The following WLS variants were observed in gnomAD, a reference collection of about 807,000 sequenced individuals.
WLS encodes the protein Wnt ligand secretion mediator.
Under a neutral mutation model 62.8 loss-of-function variants are expected in WLS, and 23 were observed. The ratio of observed to expected loss-of-function variants is 0.37; its 90% CI spans 0.26 to 0.52. The LOEUF is 0.52. Among genes scored for constraint, WLS ranks in the 20% least tolerant of loss-of-function variants. WLS has a pLI of 0.92. For synonymous variants in WLS, 246 were observed against 244.1 expected, an observed-to-expected ratio of 1.01 and a Z score of -0.07; for missense variants, 615 against 697.3, an observed-to-expected ratio of 0.88 and a Z score of 1.33.
At chr1:68,191,620 G>A (rs1036977436) in intron 2 of WLS, among the ~76,000 whole-genome samples, 1 of 152,140 alleles carries the variant, frequency 6.6e-6, no homozygotes, top group Admixed American at 6.5e-5. Context: ...AGTACTGAGT[G>A]TTCGTATGGC....
intron 6 of WLS, among the ~76,000 whole-genome samples, 179 bp from the exon 7 acceptor site, chr1:68,148,839 G>T (rs1336832381): frequency 6.6e-6 from 1 of 152,140 alleles, no homozygotes; most frequent in African/African-American, 2.4e-5. Context: ...TCATCTCTGT[G>T]GGGGAGTCTG....
At position 68,125,408 on chromosome 1, in the gene WLS, C is replaced by G; in HGVS notation, c.*818G>C. 1 of 962,496 alleles carries G rather than the reference C, an allele frequency of 1.0e-6. No individual in the cohort carries two copies. Among genetic ancestry groups the G allele is most frequent in the Non-Finnish European group, 1.2e-6 (1 of 819,946 alleles). The allele number at this position is 962,496 out of a possible 1,614,324, so 59.6% of individuals were successfully genotyped here. A position where few individuals can be genotyped will look rare whatever the true frequency, so the allele number is the denominator to read the frequency against. ...GCATGTACACATATGCATATACATA[C>G]AGGTTTATTTAAATGATTGGATCTA... On this transcript the variant is annotated 3_prime_UTR_variant, in exon 12 of 12. Transcript: ENST00000262348.
intron 11 of WLS, among the ~76,000 whole-genome samples, chr1:68,128,861 G>A (rs1646474775): frequency 6.7e-6 from 1 of 150,258 alleles, no homozygotes; most frequent in African/African-American, 2.4e-5. Flanking sequence ...TAAGTAACTT[G>A]CCCAAGGCCC....
intron 1 of WLS, among the ~76,000 whole-genome samples, chr1:68,206,292 G>C (rs920686355): frequency 6.6e-6 from 1 of 152,210 alleles, no homozygotes; most frequent in East Asian, 1.9e-4. Flanking sequence ...TCAAATATGT[G>C]AATGACTAAA....
intron 1 of WLS, among the ~76,000 whole-genome samples, chr1:68,222,094 G>A (rs1439254258): frequency 6.6e-6 from 1 of 152,166 alleles, no homozygotes; most frequent in African/African-American, 2.4e-5. Context: ...AACATCCTCC[G>A]AAAGCACAAG....
intron 2 of WLS, among the ~76,000 whole-genome samples, chr1:68,179,580 C>CA (rs888850354): frequency 3.5e-4 from 54 of 152,240 alleles, no homozygotes; most frequent in Non-Finnish European, 5.9e-4. Flanking sequence ...ACTTCACCCC[C>CA]ACTAACTTAA....
intron 4 of WLS, among the ~76,000 whole-genome samples, chr1:68,154,019 A>C (rs1646862681): frequency 6.6e-6 from 1 of 152,118 alleles, no homozygotes; most frequent in South Asian, 2.1e-4. Flanking sequence ...ACTGATATTA[A>C]AATGCTAATA....
intron 11 of WLS, among the ~76,000 whole-genome samples, chr1:68,104,598 C>T (rs975027280): frequency 2.0e-5 from 3 of 152,152 alleles, no homozygotes; most frequent in Admixed American, 2.0e-4. Context: ...TTTGTGAGTT[C>T]ACCTTCTGTA....
intron 1 of WLS, among the ~76,000 whole-genome samples, chr1:68,226,888 TA>T (rs2100670736): frequency 6.6e-6 from 1 of 152,334 alleles, no homozygotes; most frequent in South Asian, 2.1e-4. Context: ...TTCTGCAGTT[TA>T]TATGGATTTA....
chr1:68,158,442 C>G (rs1002669705), intron 3 of WLS, among the ~76,000 whole-genome samples: 3 of 152,124 alleles, frequency 2.0e-5, no homozygotes, highest in Admixed American at 1.3e-4. Context: ...ATGTCCCAGA[C>G]AAGATGTTAA....
chr1:68,232,363 C>A lies in WLS; in HGVS notation c.-64G>T. ...TGTTTTAGGGTGAGCTTTTTGCTCC[C>A]TCCTCTCACACACTCCCTCCTTCCT... On this transcript the variant is annotated 5_prime_UTR_variant, in exon 1 of 12. It adds an upstream start codon to the 5' untranslated region. Coordinates refer to ENST00000262348, the MANE Select transcript of WLS (RefSeq NM_024911.7). 1 of 1,569,756 alleles carries A rather than the reference C, an allele frequency of 6.4e-7. No homozygotes were observed. The highest frequency in any genetic ancestry group is 1.2e-5 in the South Asian group (1 of 84,450).
chr1:68,120,846 C>A (rs1035047747), downstream of WLS, among the ~76,000 whole-genome samples: 2 of 152,198 alleles, frequency 1.3e-5, no homozygotes, highest in African/African-American at 4.8e-5. Flanking sequence ...GGAACCAATT[C>A]ACTTTGTACT....
intron 6 of WLS, 75 bp from the exon 7 acceptor site, chr1:68,148,735 C>T (rs1646786270): frequency 4.3e-6 from 6 of 1,379,314 alleles, no homozygotes; most frequent in Admixed American, 1.9e-5. Context: ...AGTCAGCATT[C>T]GAAGGACACT....
At chr1:68,122,328 T>G (rs959693921), downstream of WLS, among the ~76,000 whole-genome samples, 1 of 152,186 alleles carries the variant, frequency 6.6e-6, no homozygotes, top group Non-Finnish European at 1.5e-5. Context: ...TATGAGATTA[T>G]AGGCTGAACT....
chr1:68,162,173 G>A, intron 2 of WLS: 1 of 1,446,644 alleles, frequency 6.9e-7, no homozygotes, highest in African/African-American at 1.4e-5. Flanking sequence ...AACGGACCCT[G>A]AGCAAAGCTA....
chr1:68,102,117 C>G (rs1036247656), intron 11 of WLS, among the ~76,000 whole-genome samples: 10 of 152,280 alleles, frequency 6.6e-5, no homozygotes, highest in African/African-American at 1.7e-4. Context: ...CATGGGCCAG[C>G]TATATGCCTT....
intron 11 of WLS, among the ~76,000 whole-genome samples, chr1:68,114,284 T>C (rs1006282470): frequency 6.6e-6 from 1 of 152,180 alleles, no homozygotes; most frequent in African/African-American, 2.4e-5. Flanking sequence ...GGTTAACTTG[T>C]GGCATAAGGA....
chr1:68,219,590 C>A (rs1407683548), intron 1 of WLS, among the ~76,000 whole-genome samples: 1 of 152,080 alleles, frequency 6.6e-6, no homozygotes, highest in African/African-American at 2.4e-5. Flanking sequence ...ACAATAGGTC[C>A]AAAATGCAAG....
At chr1:68,220,298 A>C in intron 1 of WLS, among the ~76,000 whole-genome samples, 1 of 152,366 alleles carries the variant, frequency 6.6e-6, no homozygotes, top group Non-Finnish European at 1.5e-5. Context: ...ACGAGACACA[A>C]GTTGACTCCA....
Sources: allele counts gnomAD v4.1 joint callset (sites outside exome capture counted in the v4.1 genomes callset), GRCh38; gene constraint gnomAD v4.1.1; transcripts MANE v1.5; gene names NCBI Gene and HGNC (gene_info 2026-07-23, HGNC 2026-07-21).